The following MCTP1 variants were observed in gnomAD, a reference collection of about 807,000 sequenced individuals.
MCTP1 encodes the protein multiple C2 and transmembrane domain-containing protein 1.
A neutral mutation model predicts 120.6 loss-of-function variants in MCTP1; 69 were observed. That is an observed-to-expected ratio of 0.57 (90% CI 0.47 to 0.70). MCTP1 has a LOEUF of 0.70. MCTP1 is among the 30% of genes least tolerant of loss of function. The pLI is 0.00. For synonymous variants in MCTP1, 529 were observed against 493.1 expected (o/e 1.07, Z -0.96); for missense variants, 1,203 against 1,248.8 (o/e 0.96, Z 0.55).
chr5:95,157,285 T>C (rs1422659158), intron 1 of MCTP1, among the ~76,000 whole-genome samples: 1 of 152,180 alleles, frequency 6.6e-6, no homozygotes, highest in African/African-American at 2.4e-5. Context: ...GGACATGGAA[T>C]AGCCAATCTT....
At position 94,953,842 on chromosome 5, in the gene MCTP1, T is replaced by C. The variant is rs376413104; in HGVS notation, c.839-481A>G. ...AAATATATATATACATATATATATA[T>C]ACACAACTATATATATGCATATATA... On this transcript the variant is annotated intron_variant, in intron 2 of 22. Coordinates refer to ENST00000515393, the MANE Select transcript of MCTP1 (RefSeq NM_024717.7). 4.6e-4 allele frequency among the ~76,000 whole-genome samples: 9 copies of C among 19,546 alleles called. 1 individual carries two copies. Among genetic ancestry groups the C allele is most frequent in the Admixed American group, 6.0e-4 (1 of 1,672 alleles). The allele number at this position is 19,546 out of a possible 152,430, so 12.8% of individuals were successfully genotyped here. A position where few individuals can be genotyped will look rare whatever the true frequency, so the allele number is the denominator to read the frequency against.
chr5:95,077,565 T>C (rs879868006), intron 1 of MCTP1, among the ~76,000 whole-genome samples: 2 of 151,960 alleles, frequency 1.3e-5, no homozygotes, highest in Non-Finnish European at 2.9e-5. Context: ...CTCCACTTCC[T>C]GGGTTCACGC....
chr5:94,780,765 T>C (rs1776399605), intron 18 of MCTP1, among the ~76,000 whole-genome samples: 1 of 152,150 alleles, frequency 6.6e-6, no homozygotes, highest in South Asian at 2.1e-4. Context: ...TAGTGCTAGG[T>C]AATGTGGGAA....
chr5:94,839,856 A>T (rs1227011089), intron 17 of MCTP1, among the ~76,000 whole-genome samples: 2 of 152,246 alleles, frequency 1.3e-5, no homozygotes, highest in African/African-American at 4.8e-5. Context: ...TAAAGATCAC[A>T]TGATGACATT....
intron 9 of MCTP1, among the ~76,000 whole-genome samples, chr5:94,912,382 GCC>G (rs1394022575): frequency 8.0e-6 from 1 of 124,230 alleles, no homozygotes; most frequent in Non-Finnish European, 1.6e-5. Context: ...CCAAGATCAT[GCC>G]ACTGCACTCC....
At chr5:95,132,222 T>A (rs1247468169) in intron 1 of MCTP1, among the ~76,000 whole-genome samples, 1 of 152,208 alleles carries the variant, frequency 6.6e-6, no homozygotes, top group Non-Finnish European at 1.5e-5. Context: ...TTCTGTAACA[T>A]CTCTTGCTTC....
chr5:95,108,695 A>G (rs1246565117), intron 1 of MCTP1, among the ~76,000 whole-genome samples: 1 of 152,222 alleles, frequency 6.6e-6, no homozygotes, highest in Non-Finnish European at 1.5e-5. Context: ...GTTTTGCAAC[A>G]TCGATACTGT....
rs80201661 is a variant in MCTP1, at chr5:95,088,946, A to G, written c.721-71462T>C. The stretch of plus-strand genomic sequence containing the variant: ...GAAACTCCGCACAATGTTCCCAAGG[A>G]AGAGTTGATAAAGATTCCAATTTTA... On this transcript the variant is annotated intron_variant, in intron 1 of 22. Transcript: ENST00000515393. Among the ~76,000 whole-genome samples, 45 of 152,312 alleles carry G rather than the reference A, an allele frequency of 3.0e-4. No homozygotes were observed. The East Asian group carries it at 6.7e-3, about 23-fold the overall frequency.
At chr5:95,164,261 T>TAA (rs1434942801) in intron 1 of MCTP1, among the ~76,000 whole-genome samples, 4 of 151,996 alleles carry the variant, frequency 2.6e-5, no homozygotes, top group Non-Finnish European at 5.9e-5. Context: ...AACTCACTTT[T>TAA]AATTTTTTCT....
chr5:94,727,260 T>C (rs1396570981), intron 19 of MCTP1, among the ~76,000 whole-genome samples: 1 of 152,232 alleles, frequency 6.6e-6, no homozygotes, highest in Non-Finnish European at 1.5e-5. Flanking sequence ...GACCATTAGC[T>C]GTTTTTTATT....
At chr5:95,086,250 G>C (rs1755435305) in intron 1 of MCTP1, among the ~76,000 whole-genome samples, 1 of 152,058 alleles carries the variant, frequency 6.6e-6, no homozygotes, top group Non-Finnish European at 1.5e-5. Context: ...TATCGGCTAT[G>C]TACCCCCGTA....
At chr5:94,852,794 G>A (rs1005694994) in intron 17 of MCTP1, among the ~76,000 whole-genome samples, 1 of 151,774 alleles carries the variant, frequency 6.6e-6, no homozygotes, top group African/African-American at 2.4e-5. Context: ...AGACCTATCA[G>A]GTCTCTTTCT....
At chr5:94,955,028 A>G (rs1171073347) in intron 2 of MCTP1, among the ~76,000 whole-genome samples, 1 of 152,216 alleles carries the variant, frequency 6.6e-6, no homozygotes, top group East Asian at 1.9e-4. Flanking sequence ...ACCAATGCAG[A>G]AGGCGGGTGA....
At chr5:95,206,476 C>A (rs1038740436) in intron 1 of MCTP1, among the ~76,000 whole-genome samples, 9 of 152,118 alleles carry the variant, frequency 5.9e-5, no homozygotes, top group Non-Finnish European at 1.3e-4. Context: ...AATTAAGAAT[C>A]TCTGGAGACT....
intron 1 of MCTP1, among the ~76,000 whole-genome samples, chr5:95,248,940 G>A (rs1757098457): frequency 6.6e-6 from 1 of 152,132 alleles, no homozygotes; most frequent in Admixed American, 6.5e-5. Context: ...AAATGGTGCT[G>A]GGAAAACTGG....
intron 1 of MCTP1, among the ~76,000 whole-genome samples, chr5:95,086,667 A>T (rs1459823323): frequency 6.6e-6 from 1 of 152,246 alleles, no homozygotes; most frequent in Non-Finnish European, 1.5e-5. Context: ...AATATTAATA[A>T]GAATTAAAGT....
chr5:95,237,400 A>G (rs1422227277), intron 1 of MCTP1, among the ~76,000 whole-genome samples: 1 of 152,184 alleles, frequency 6.6e-6, no homozygotes, highest in East Asian at 1.9e-4. Context: ...ATAGACCACT[A>G]GGGACATGCG....
intron 7 of MCTP1, among the ~76,000 whole-genome samples, chr5:94,921,792 T>C (rs1282480404): frequency 6.6e-6 from 1 of 152,202 alleles, no homozygotes; most frequent in Non-Finnish European, 1.5e-5. Flanking sequence ...CATCCATTGG[T>C]GGCTAACATA....
chr5:95,252,050 C>A (rs1484113361), intron 1 of MCTP1, among the ~76,000 whole-genome samples: 1 of 152,012 alleles, frequency 6.6e-6, no homozygotes, highest in African/African-American at 2.4e-5. Context: ...ATTACAAAGA[C>A]AGAAAGAAAT....
Sources: allele counts gnomAD v4.1 joint callset (sites outside exome capture counted in the v4.1 genomes callset), GRCh38; gene constraint gnomAD v4.1.1; transcripts MANE v1.5; gene names NCBI Gene and HGNC (gene_info 2026-07-23, HGNC 2026-07-21).